Variants in R3HDM1 observed in about 807,000 individuals in gnomAD.
R3HDM1 encodes the protein R3H domain containing 1, also known as R3H domain-containing protein 1.
Under a neutral mutation model 141.1 loss-of-function variants are expected in R3HDM1, and 46 were observed. The ratio of observed to expected loss-of-function variants is 0.33; its 90% confidence interval spans 0.26 to 0.42. The LOEUF (loss-of-function observed/expected upper bound fraction) is 0.42, where lower values mean the gene tolerates loss of function less well. Among genes scored for constraint, R3HDM1 ranks in the 10% least tolerant of loss-of-function variants. R3HDM1 has a pLI of 1.00. For missense variants in R3HDM1, 1,184 were observed against 1,368.3 expected (o/e 0.87, Z 2.12); for synonymous variants, 435 against 472.9 (o/e 0.92, Z 1.04).
At chr2:135,587,053 A>G in intron 1 of R3HDM1, 2 of 884,202 alleles carry the variant, frequency 2.3e-6, no homozygotes, top group Non-Finnish European at 2.7e-6. Context: ...TGTAACAGCA[A>G]AACCTAGATC....
intron 19 of R3HDM1, among the ~76,000 whole-genome samples, chr2:135,673,549 T>G (rs1358437082): frequency 6.6e-6 from 1 of 152,250 alleles, no homozygotes; most frequent in Admixed American, 6.5e-5. Context: ...GGAAGAAGTT[T>G]ATTCTGTTCT....
At chr2:135,629,714 GT>G (rs2105209019) in intron 7 of R3HDM1, among the ~76,000 whole-genome samples, 1 of 152,312 alleles carries the variant, frequency 6.6e-6, no homozygotes, top group South Asian at 2.1e-4. Flanking sequence ...AGTTTTGTGA[GT>G]TCAGGTCAGG....
chr2:135,634,285 C>T (rs1208059945), intron 9 of R3HDM1, among the ~76,000 whole-genome samples: 1 of 152,038 alleles, frequency 6.6e-6, no homozygotes, highest in Non-Finnish European at 1.5e-5. Context: ...CATAATTTGA[C>T]AGGAGGCTTT....
chr2:135,640,162 C>T (rs1239887067), intron 14 of R3HDM1, among the ~76,000 whole-genome samples: 6 of 150,174 alleles, frequency 4.0e-5, no homozygotes, highest in African/African-American at 1.2e-4. Context: ...TGAGCCTAAA[C>T]ATAAGGTATT....
At chr2:135,723,112 AT>A (rs1332806319) in intron 26 of R3HDM1, among the ~76,000 whole-genome samples, 1 of 151,462 alleles carries the variant, frequency 6.6e-6, no homozygotes, top group Non-Finnish European at 1.5e-5. Context: ...GCTTAATTTT[AT>A]TTTTTTTATT....
At chr2:135,665,321 A>G (rs369740798) in intron 19 of R3HDM1, 5 of 470,556 alleles carry the variant, frequency 1.1e-5, no homozygotes, top group Middle Eastern at 3.5e-4. Flanking sequence ...TGTAGCTTTT[A>G]TTATTCTTAT....
intron 7 of R3HDM1, among the ~76,000 whole-genome samples, chr2:135,624,409 A>AG (rs1252681956): frequency 6.6e-6 from 1 of 151,834 alleles, no homozygotes; most frequent in African/African-American, 2.4e-5. Flanking sequence ...AAAAAAAAAA[A>AG]AAGGAAAGTG....
At chr2:135,556,251 TGG>T (rs1700741813) in intron 1 of R3HDM1, among the ~76,000 whole-genome samples, 1 of 152,032 alleles carries the variant, frequency 6.6e-6, no homozygotes, top group Non-Finnish European at 1.5e-5. Flanking sequence ...CTAAGAGCAG[TGG>T]GGTTGTTTTT....
At chr2:135,589,649 A>G (rs972407256) in intron 1 of R3HDM1, among the ~76,000 whole-genome samples, 1 of 152,104 alleles carries the variant, frequency 6.6e-6, no homozygotes, top group Non-Finnish European at 1.5e-5. Flanking sequence ...ACACTGCTCT[A>G]CTCATCCCCA....
intron 18 of R3HDM1, among the ~76,000 whole-genome samples, chr2:135,659,232 G>A (rs2066356190): frequency 6.6e-6 from 1 of 151,820 alleles, no homozygotes; most frequent in Admixed American, 6.6e-5. Context: ...CAAGTAGCTG[G>A]GACTACAGAC....
intron 19 of R3HDM1, among the ~76,000 whole-genome samples, chr2:135,663,017 T>C (rs568149528): frequency 4.5e-4 from 68 of 152,190 alleles, no homozygotes; most frequent in African/African-American, 1.6e-3. Flanking sequence ...TGTGTTAGCT[T>C]ACTAATTTTG....
intron 18 of R3HDM1, among the ~76,000 whole-genome samples, chr2:135,653,436 T>C (rs1443505296): frequency 6.6e-6 from 1 of 151,936 alleles, no homozygotes; most frequent in African/African-American, 2.4e-5. Context: ...AAGTTTTTAA[T>C]GCTATAAATT....
intron 1 of R3HDM1, among the ~76,000 whole-genome samples, chr2:135,587,858 T>C (rs1385847082): frequency 6.6e-6 from 1 of 151,972 alleles, no homozygotes; most frequent in East Asian, 1.9e-4. Context: ...TATTTGTCTC[T>C]CCCTCTTGAT....
chr2:135,669,639 G>A (rs1319683313), intron 19 of R3HDM1: 2 of 908,742 alleles, frequency 2.2e-6, no homozygotes, highest in Non-Finnish European at 2.6e-6. Flanking sequence ...AGACAGCTGT[G>A]TGCAGCTCTC....
chr2:135,532,278 G>A (rs1574298072), intron 1 of R3HDM1, among the ~76,000 whole-genome samples: 1 of 152,234 alleles, frequency 6.6e-6, no homozygotes, highest in African/African-American at 2.4e-5. Context: ...TCAGTGCCAC[G>A]GTCCCCCGGG....
Position 135,649,898 on chromosome 2 carries a change from T to C in R3HDM1, c.1624-4T>C. On this transcript the variant is annotated splice_region_variant and splice_polypyrimidine_tract_variant and intron_variant, in intron 16 of 26. Transcript: ENST00000683871. ...ACATTGTTTGCCAACCTGTTATTCT[T>C]TAGCCTGTTCATCCTCTGCAGTCCT... 1 of 1,245,030 alleles carries C rather than the reference T, an allele frequency of 8.0e-7. No homozygotes were observed. Among genetic ancestry groups the C allele is most frequent in the South Asian group, 1.4e-5 (1 of 69,134 alleles). 77.1% of individuals were successfully genotyped at this position (1,245,030 alleles called of 1,614,324 possible). A position where few individuals can be genotyped will look rare whatever the true frequency, so the allele number is the denominator to read the frequency against.
chr2:135,570,548 T>G lies in R3HDM1; in HGVS notation c.-249-31952T>G, dbSNP rs530669926. On this transcript the variant is annotated intron_variant, in intron 1 of 26. Transcript: ENST00000683871. ...ATATACTCAAAGGGAAAGAAGAACTTTTTTGGAAAAACAAATTATGGATTG... is the reference window on the plus strand; with the variant it reads ...ATATACTCAAAGGGAAAGAAGAACTGTTTTGGAAAAACAAATTATGGATTG... 2.2e-4 allele frequency among the ~76,000 whole-genome samples: 33 copies of G among 152,322 alleles called. No homozygotes were observed. In the South Asian group the frequency reaches 5.8e-3, roughly 27 times the overall value.
At chr2:135,701,964 CAT>C (rs200459344) in intron 21 of R3HDM1, among the ~76,000 whole-genome samples, 2,093 of 152,186 alleles carry the variant, frequency 0.014, 26 homozygotes, top group Admixed American at 0.029. Context: ...ATTCACTTAA[CAT>C]GTACATTTCA....
At chr2:135,695,963 C>T (rs975158732) in intron 21 of R3HDM1, among the ~76,000 whole-genome samples, 6 of 152,232 alleles carry the variant, frequency 3.9e-5, no homozygotes, top group East Asian at 3.9e-4. Flanking sequence ...GACAAGGGCT[C>T]GTGTGTATAA....
Sources: allele counts gnomAD v4.1 joint callset (sites outside exome capture counted in the v4.1 genomes callset), GRCh38; gene constraint gnomAD v4.1.1; transcripts MANE v1.5; gene names NCBI Gene and HGNC (gene_info 2026-07-23, HGNC 2026-07-21).